The following LUZP2 variants were observed in gnomAD, a reference collection of about 807,000 sequenced individuals.
The protein encoded by LUZP2 is leucine zipper protein 2.
LUZP2 carries 52 observed loss-of-function variants against 51.6 expected under a neutral mutation model. The observed-to-expected ratio is 1.01, with a 90% CI of 0.81 to 1.27. The LOEUF is 1.27. Among genes scored for constraint, LUZP2 ranks in the 50% most tolerant of loss-of-function variants. LUZP2 has a pLI of 0.00. For missense variants in LUZP2, 436 were observed against 395.4 expected (o/e 1.10, Z -0.87); for synonymous variants, 154 against 137.3 (o/e 1.12, Z -0.85).
At chr11:24,901,634 A>T (rs1041065627) in intron 5 of LUZP2, among the ~76,000 whole-genome samples, 1 of 152,148 alleles carries the variant, frequency 6.6e-6, no homozygotes, top group African/African-American at 2.4e-5. Flanking sequence ...AGACTTGCCT[A>T]GTCCAGTTGT....
At chr11:24,973,488 GGTTT>G (rs1565178240) in intron 7 of LUZP2, among the ~76,000 whole-genome samples, 1 of 149,758 alleles carries the variant, frequency 6.7e-6, no homozygotes, top group Non-Finnish European at 1.5e-5. Flanking sequence ...CTAGCTTTGG[GGTTT>G]GTTTGCTCTT....
intron 1 of LUZP2, among the ~76,000 whole-genome samples, chr11:24,506,293 G>A (rs1189593673): frequency 6.6e-6 from 1 of 151,998 alleles, no homozygotes; most frequent in Non-Finnish European, 1.5e-5. Context: ...TCTAATGCTT[G>A]CGGTCATTTA....
intron 1 of LUZP2, among the ~76,000 whole-genome samples, chr11:24,632,806 T>C (rs1590270342): frequency 6.6e-6 from 1 of 152,126 alleles, no homozygotes; most frequent in African/African-American, 2.4e-5. Context: ...ACCAAGCTGA[T>C]GAGATAGCCT....
intron 1 of LUZP2, among the ~76,000 whole-genome samples, chr11:24,553,851 C>G (rs776359237): frequency 4.6e-5 from 7 of 152,138 alleles, no homozygotes; most frequent in African/African-American, 1.4e-4. Context: ...TTAGTGGCAA[C>G]TTCACTATTT....
intron 5 of LUZP2, among the ~76,000 whole-genome samples, chr11:24,860,740 C>A (rs1851715441): frequency 6.6e-6 from 1 of 152,050 alleles, no homozygotes; most frequent in Non-Finnish European, 1.5e-5. Flanking sequence ...GACAAACAGG[C>A]AGAAAACAAC....
intron 5 of LUZP2, among the ~76,000 whole-genome samples, chr11:24,889,003 A>G (rs772310329): frequency 6.6e-6 from 1 of 152,146 alleles, no homozygotes; most frequent in Non-Finnish European, 1.5e-5. Context: ...TAAATTACCC[A>G]GTCTCAGACA....
At chr11:24,544,551 A>C (rs1008542986) in intron 1 of LUZP2, among the ~76,000 whole-genome samples, 2 of 151,930 alleles carry the variant, frequency 1.3e-5, no homozygotes, top group African/African-American at 4.8e-5. Flanking sequence ...TTGGTTTTCT[A>C]TTATATTAAT....
chr11:24,715,390 C>T (rs1858004227), intron 1 of LUZP2, among the ~76,000 whole-genome samples: 1 of 151,610 alleles, frequency 6.6e-6, no homozygotes, highest in Non-Finnish European at 1.5e-5. Context: ...ATTCAAATTT[C>T]TGACCATGCC....
At chr11:24,511,092 C>T (rs1000255832) in intron 1 of LUZP2, among the ~76,000 whole-genome samples, 1 of 152,182 alleles carries the variant, frequency 6.6e-6, no homozygotes, top group African/African-American at 2.4e-5. Flanking sequence ...TTACCTCTGC[C>T]ATATATTCAG....
At chr11:24,910,766 T>A (rs10834544) in intron 6 of LUZP2, among the ~76,000 whole-genome samples, 40 of 148,190 alleles carry the variant, frequency 2.7e-4, no homozygotes, top group Middle Eastern at 3.7e-3. Context: ...GGGTTTGGAG[T>A]TCTACACAGA....
At chr11:25,029,568 C>T (rs1266857628) in intron 9 of LUZP2, among the ~76,000 whole-genome samples, 1 of 151,940 alleles carries the variant, frequency 6.6e-6, no homozygotes, top group Non-Finnish European at 1.5e-5. Context: ...GAAACCCCAT[C>T]TCTGCTAAAA....
chr11:24,953,941 G>A (rs752475182), intron 7 of LUZP2, among the ~76,000 whole-genome samples: 23 of 151,970 alleles, frequency 1.5e-4, no homozygotes, highest in African/African-American at 4.8e-4. Context: ...TAAACATTAT[G>A]TATTAATATA....
chr11:24,642,973 C>T (rs1855343575), intron 1 of LUZP2, among the ~76,000 whole-genome samples: 1 of 152,052 alleles, frequency 6.6e-6, no homozygotes, highest in Admixed American at 6.6e-5. Flanking sequence ...GAGAGAGCCT[C>T]TTTGAGAAAG....
chr11:24,823,881 G>A (rs1850438175), intron 5 of LUZP2, among the ~76,000 whole-genome samples: 1 of 151,956 alleles, frequency 6.6e-6, no homozygotes, highest in Admixed American at 6.6e-5. Context: ...GGCTAACATG[G>A]TGAAACCCTG....
chr11:24,563,319 G>A (rs1428519558), intron 1 of LUZP2, among the ~76,000 whole-genome samples: 1 of 151,798 alleles, frequency 6.6e-6, no homozygotes, highest in East Asian at 1.9e-4. Context: ...ACAAAATGTT[G>A]GCTTATGTTT....
At chr11:24,946,613 C>G (rs1444270668) in intron 7 of LUZP2, among the ~76,000 whole-genome samples, 1 of 151,808 alleles carries the variant, frequency 6.6e-6, no homozygotes, top group Admixed American at 6.6e-5. Context: ...ACCTATATAG[C>G]TCCTTTGCCC....
chr11:24,618,690 T>C (rs932040634), intron 1 of LUZP2, among the ~76,000 whole-genome samples: 2 of 152,228 alleles, frequency 1.3e-5, no homozygotes, highest in East Asian at 1.9e-4. Flanking sequence ...CCTTGAGTTC[T>C]AGATTCATCA....
At chr11:24,643,827 C>A (rs546223869) in intron 1 of LUZP2, among the ~76,000 whole-genome samples, 2 of 152,228 alleles carry the variant, frequency 1.3e-5, no homozygotes, top group Admixed American at 1.3e-4. Flanking sequence ...ATAAAGACTT[C>A]CAGTGTTGGG....
At chr11:25,050,516 G>A (rs926243834) in intron 10 of LUZP2, among the ~76,000 whole-genome samples, 1 of 151,994 alleles carries the variant, frequency 6.6e-6, no homozygotes, top group Non-Finnish European at 1.5e-5. Flanking sequence ...GTGTTAACCA[G>A]GCTGGTCTTG....
Sources: gnomAD v4.1 joint callset for allele counts (sites outside exome capture counted in the v4.1 genomes callset) on GRCh38, gnomAD v4.1.1 for gene constraint, MANE v1.5 for transcripts, NCBI Gene and HGNC (gene_info 2026-07-23, HGNC 2026-07-21) for gene names.